TENM3: variants seen among roughly 807,000 people sequenced by gnomAD.
The protein encoded by TENM3 is teneurin transmembrane protein 3, also known as teneurin-3.
In TENM3, 63 loss-of-function variants were observed where a neutral mutation model predicts 255.1. That is an observed-to-expected ratio of 0.25 (90% confidence interval 0.20 to 0.30). The LOEUF (loss-of-function observed/expected upper bound fraction) is 0.30, where lower values mean the gene tolerates loss of function less well. Ranked by LOEUF, TENM3 falls within the 10% of genes least tolerant of loss-of-function variation. TENM3 has a pLI of 1.00. For missense variants in TENM3, 2,929 were observed against 3,461.1 expected (o/e 0.85, Z 3.86); for synonymous variants, 1,306 against 1,322.3 (o/e 0.99, Z 0.27).
At chr4:181,899,375 A>C in the TENM3 span, among the ~76,000 whole-genome samples, 1 of 152,166 alleles carries the variant, frequency 6.6e-6, no homozygotes, top group Non-Finnish European at 1.5e-5. Flanking sequence ...TAAATTTAAA[A>C]ATTAAAGAGT....
intron 22 of TENM3, among the ~76,000 whole-genome samples, chr4:182,761,194 G>A (rs578049505): frequency 3.5e-4 from 53 of 152,122 alleles, no homozygotes; most frequent in African/African-American, 1.1e-3. Flanking sequence ...TGAGGTGGGC[G>A]GATCACATGA....
At chr4:181,452,272 G>A in the TENM3 span, among the ~76,000 whole-genome samples, 9 of 152,208 alleles carry the variant, frequency 5.9e-5, no homozygotes, top group Admixed American at 6.5e-5. Context: ...AGATAAATAG[G>A]AATGTGTATG....
At chr4:181,680,257 C>G in the TENM3 span, among the ~76,000 whole-genome samples, 12 of 152,022 alleles carry the variant, frequency 7.9e-5, no homozygotes, top group Admixed American at 1.3e-4. Flanking sequence ...AGTATATAGG[C>G]TGTAAATAGT....
At chr4:182,601,638 A>C (rs1747883220) in intron 4 of TENM3, among the ~76,000 whole-genome samples, 1 of 152,154 alleles carries the variant, frequency 6.6e-6, no homozygotes, top group Admixed American at 6.5e-5. Context: ...ATCAGATGAC[A>C]GTTTGTTAAG....
chr4:182,100,678 TAC>T, the TENM3 span, among the ~76,000 whole-genome samples: 16 of 34,186 alleles, frequency 4.7e-4, no homozygotes, highest in Non-Finnish European at 6.6e-4. Flanking sequence ...CACATATATA[TAC>T]ACACATATAT....
chr4:181,905,412 A>G, the TENM3 span, among the ~76,000 whole-genome samples: 2,532 of 152,196 alleles, frequency 0.017, 76 homozygotes, highest in African/African-American at 0.058. Context: ...CTGCTGGGCA[A>G]ATCTAACCTG....
chr4:182,737,196 T>A, intron 17 of TENM3, 121 bp downstream of exon 17: 2 of 1,054,050 alleles, frequency 1.9e-6, no homozygotes, highest in Non-Finnish European at 2.8e-6. Flanking sequence ...AAGGTTGTCC[T>A]AGGGATATTA....
chr4:181,836,630 A>C, the TENM3 span, among the ~76,000 whole-genome samples: 1 of 152,044 alleles, frequency 6.6e-6, no homozygotes, highest in Admixed American at 6.6e-5. Context: ...ATACTACTCT[A>C]TTTCATTAGT....
intron 5 of TENM3, among the ~76,000 whole-genome samples, chr4:182,637,203 C>G (rs978471075): frequency 1.3e-5 from 2 of 152,084 alleles, no homozygotes; most frequent in African/African-American, 4.8e-5. Context: ...GAAACTATAT[C>G]AAACAAAGGT....
upstream of TENM3, among the ~76,000 whole-genome samples, chr4:182,243,107 T>C (rs948504255): frequency 6.6e-6 from 1 of 152,134 alleles, no homozygotes; most frequent in East Asian, 1.9e-4. Flanking sequence ...AAATGTCACA[T>C]AGGCTTTTAT....
chr4:182,710,515 A>C (rs1402381660), intron 12 of TENM3, among the ~76,000 whole-genome samples: 4 of 152,336 alleles, frequency 2.6e-5, no homozygotes, highest in African/African-American at 9.6e-5. Context: ...AATGCCATTC[A>C]AACGCCTCTA....
chr4:181,583,129 A>ATTTAATTTTTT, the TENM3 span, among the ~76,000 whole-genome samples: 47 of 8,886 alleles, frequency 5.3e-3, no homozygotes, highest in African/African-American at 9.7e-3. Context: ...CTTCTGTAGT[A>ATTTAATTTTTT]TTTTTTTTTT....
At chr4:181,652,636 A>G in the TENM3 span, among the ~76,000 whole-genome samples, 2 of 152,202 alleles carry the variant, frequency 1.3e-5, no homozygotes, top group Non-Finnish European at 2.9e-5. Context: ...GACTGTGTCC[A>G]GTGATTTCTA....
chr4:181,888,494 GTA>G, the TENM3 span, among the ~76,000 whole-genome samples: 1,023 of 28,216 alleles, frequency 0.036, 56 homozygotes, highest in Non-Finnish European at 0.051. Flanking sequence ...ATAGAAATGT[GTA>G]TATATATATA....
chr4:181,709,100 G>C, the TENM3 span, among the ~76,000 whole-genome samples: 1 of 152,204 alleles, frequency 6.6e-6, no homozygotes, highest in Non-Finnish European at 1.5e-5. Flanking sequence ...ATATAAAACT[G>C]TGCTAACGGA....
intron 4 of TENM3, among the ~76,000 whole-genome samples, chr4:182,627,715 A>G (rs571350026): frequency 6.6e-6 from 1 of 152,282 alleles, no homozygotes; most frequent in East Asian, 1.9e-4. Context: ...CCATGAAACA[A>G]ATGGTGCTTT....
chr4:182,506,383 TA>T (rs1382762072), intron 3 of TENM3, among the ~76,000 whole-genome samples: 1 of 152,196 alleles, frequency 6.6e-6, no homozygotes, highest in Non-Finnish European at 1.5e-5. Flanking sequence ...TCTCCATCTG[TA>T]AAATGGGAGT....
chr4:182,421,421 C>T (rs1208604621), intron 3 of TENM3, among the ~76,000 whole-genome samples: 1 of 152,160 alleles, frequency 6.6e-6, no homozygotes, highest in African/African-American at 2.4e-5. Flanking sequence ...CGTTTCTCCC[C>T]TTATTTCATG....
At chr4:181,656,291 C>T in the TENM3 span, among the ~76,000 whole-genome samples, 1 of 152,074 alleles carries the variant, frequency 6.6e-6, no homozygotes, top group Non-Finnish European at 1.5e-5. Context: ...CAGAAGCCAG[C>T]CAAAGAAAGG....
Sources: allele counts gnomAD v4.1 joint callset (sites outside exome capture counted in the v4.1 genomes callset), GRCh38; gene constraint gnomAD v4.1.1; transcripts MANE v1.5; gene names NCBI Gene and HGNC (gene_info 2026-07-23, HGNC 2026-07-21).